SMARCAD1: variants seen among roughly 807,000 people sequenced by gnomAD.
SMARCAD1 encodes the protein SNF2 related chromatin remodeling ATPase with DExD box 1.
In SMARCAD1, 25 loss-of-function variants were observed where a neutral mutation model predicts 127.1. The observed-to-expected ratio is 0.20, with a 90% confidence interval of 0.14 to 0.27. The LOEUF (loss-of-function observed/expected upper bound fraction) is 0.27. SMARCAD1 is among the 10% of genes least tolerant of loss of function. The pLI is 1.00. For synonymous variants in SMARCAD1, 400 were observed against 396.9 expected, an observed-to-expected ratio of 1.01 and a Z score of -0.09; for missense variants, 807 against 1,206.0, an observed-to-expected ratio of 0.67 and a Z score of 4.90.
rs115701817 is a variant in SMARCAD1, at chr4:94,243,622, C to T, written c.705+2616C>T. Among the ~76,000 whole-genome samples, 447 of 152,208 alleles carry T rather than the reference C, an allele frequency of 2.9e-3. 2 individuals carry two copies. The highest frequency in any genetic ancestry group is 0.01 in the African/African-American group (421 of 41,548). On this transcript the variant is annotated intron_variant, in intron 6 of 23. Transcript: ENST00000354268. The stretch of plus-strand genomic sequence containing the variant: ...ATTCCAGTGTTAATACATTAGAGAA[C>T]GATTTGAGCATAATCCAAAATTTGC...
rs1333964770 is a variant in SMARCAD1, at chr4:94,290,102, T to C, written c.*568T>C. The C allele has an allele frequency of 1.3e-5, 6 of 454,508 alleles. No individual in the cohort carries two copies. The Admixed American group carries it at 1.4e-4, about 11-fold the overall frequency. 28.2% of individuals were successfully genotyped at this position (454,508 alleles called of 1,614,324 possible). ...AATTTAAAGGTGGCATTCCATATACTAACATCCCCCAGGTCCTCTCAAGTA... is the reference window on the plus strand; with the variant it reads ...AATTTAAAGGTGGCATTCCATATACCAACATCCCCCAGGTCCTCTCAAGTA... On this transcript the variant is annotated 3_prime_UTR_variant, in exon 24 of 24. Transcript: ENST00000354268.
Position 94,290,666 on chromosome 4 carries a change from A to G in SMARCAD1, c.*1132A>G, listed in dbSNP as rs188829387. ...TTAGAAGTGAAGTTGTCTATTTGAT[A>G]TTTAACTCTTTATTAAATCTTTCTT... On this transcript the variant is annotated 3_prime_UTR_variant, in exon 24 of 24. Transcript: ENST00000354268. 1.3e-3 allele frequency: 568 copies of G among 451,000 alleles called. 1 individual carries two copies. Among genetic ancestry groups the G allele is most frequent in the Middle Eastern group, 4.9e-3 (7 of 1,424 alleles). The allele number at this position is 451,000 out of a possible 1,614,324, so 27.9% of individuals were successfully genotyped here.
In SMARCAD1 at chr4:94,278,490, A is replaced by G; in HGVS notation, c.2151A>G (p.Pro717=). 6.2e-7 allele frequency: 1 copy of G among 1,613,712 alleles called. No individual in the cohort carries two copies. Among genetic ancestry groups the G allele is most frequent in the Non-Finnish European group, 8.5e-7 (1 of 1,179,710 alleles). ...CACATGCAAAACAAATTATAAAGCC[A>G]TTTATTCTCAGAAGAGTAAAAGAAG... ...RIAHAKQIIK[P]FILRRVKEEV... The change falls in exon 17 of 24, where the codon CCA becomes CCG. Residue 717 remains proline (P), a synonymous_variant. Coordinates refer to ENST00000354268, the MANE Select transcript of SMARCAD1 (RefSeq NM_020159.5).
chr4:94,237,830 T>A (rs1465379249), intron 5 of SMARCAD1, among the ~76,000 whole-genome samples: 2 of 152,150 alleles, frequency 1.3e-5, no homozygotes, highest in Non-Finnish European at 2.9e-5. Context: ...AAAGTAAATG[T>A]CCTTATACAT....
chr4:94,208,694 C>T, intron 2 of SMARCAD1, 110 bp downstream of exon 2: 6 of 1,060,040 alleles, frequency 5.7e-6, no homozygotes, highest in South Asian at 2.8e-5. Context: ...GATGCATTGT[C>T]CTGCGGTGTG....
Position 94,208,478 on chromosome 4 carries a change from C to G in SMARCAD1, c.84C>G (p.Ser28=), listed in dbSNP as rs773628840. The change falls in exon 2 of 24, where the codon TCC becomes TCG. Residue 28 remains serine, a synonymous_variant. Coordinates refer to ENST00000354268, the MANE Select transcript of SMARCAD1 (RefSeq NM_020159.5). The part of the protein sequence containing the change: ...EEAPEATPQP[S]QPGPSSPISL... ...CGCCCGAAGCAACCCCTCAACCTTCCCAGCCTGGCCCTTCTTCACCAATTT... is the reference window on the plus strand; with the variant it reads ...CGCCCGAAGCAACCCCTCAACCTTCGCAGCCTGGCCCTTCTTCACCAATTT... The G allele has an allele frequency of 1.9e-6, 3 of 1,614,060 alleles. No individual in the cohort carries two copies. In the East Asian group the frequency reaches 6.7e-5, roughly 36 times the overall value.
At chr4:94,254,361 A>T (rs576801970) in intron 9 of SMARCAD1, among the ~76,000 whole-genome samples, 1 of 152,176 alleles carries the variant, frequency 6.6e-6, no homozygotes, top group African/African-American at 2.4e-5. Flanking sequence ...TGGGTTGCTC[A>T]GGCTTGTTGA....
chr4:94,284,258 CG>C (rs1417504691), intron 22 of SMARCAD1, among the ~76,000 whole-genome samples: 4 of 124,516 alleles, frequency 3.2e-5, no homozygotes, highest in Non-Finnish European at 6.3e-5. Flanking sequence ...AGCCGGGAGG[CG>C]GAGCTTGCAG....
Position 94,278,932 on chromosome 4 carries a change from A to C in SMARCAD1, c.2300A>C (p.Lys767Thr). 1 of 1,613,966 alleles carries C rather than the reference A, an allele frequency of 6.2e-7. No individual in the cohort carries two copies. Among genetic ancestry groups the C allele is most frequent in the Non-Finnish European group, 8.5e-7 (1 of 1,179,908 alleles). The change falls in exon 19 of 24, where the codon AAA becomes ACA. Residue 767 changes from lysine (K) to threonine (T), a missense_variant. By Grantham distance (78) the Lys-to-Thr change is moderately conservative. Around this residue, in one of 8 missense-constraint regions of SMARCAD1, gnomAD observed 99 missense variants for 126.0 expected, o/e 0.79. Coordinates refer to ENST00000354268, the MANE Select transcript of SMARCAD1 (RefSeq NM_020159.5). ...CTGTGTTCTCTTTGAGTCACAGAAA[A>C]AAACACAGAAATGTGCAATGTCATG... ...RLKKSINNLE[K>T]NTEMCNVMMQ...
intron 20 of SMARCAD1, among the ~76,000 whole-genome samples, chr4:94,281,089 G>A (rs1283990962): frequency 6.6e-6 from 1 of 152,130 alleles, no homozygotes; most frequent in Non-Finnish European, 1.5e-5. Context: ...GACACTATTT[G>A]TTAGTTATTT....
chr4:94,245,438 A>G (rs1035012559), intron 6 of SMARCAD1, among the ~76,000 whole-genome samples: 1 of 152,210 alleles, frequency 6.6e-6, no homozygotes, highest in Admixed American at 6.5e-5. Flanking sequence ...CTTGTGTGGC[A>G]TCCGGATGAA....
intron 6 of SMARCAD1, among the ~76,000 whole-genome samples, chr4:94,243,283 GA>G (rs1747883361): frequency 6.6e-6 from 1 of 152,194 alleles, no homozygotes; most frequent in Non-Finnish European, 1.5e-5. Context: ...GGTAATAGTT[GA>G]AGAAGGGGCA....
chr4:94,269,888 G>T (rs1216980769), intron 10 of SMARCAD1, among the ~76,000 whole-genome samples: 4 of 151,836 alleles, frequency 2.6e-5, no homozygotes, highest in Non-Finnish European at 5.9e-5. Flanking sequence ...GCCCAGGCTG[G>T]TCGCGAACTC....
At chr4:94,248,408 A>G (rs894526167) in intron 6 of SMARCAD1, 5 of 453,770 alleles carry the variant, frequency 1.1e-5, no homozygotes, top group African/African-American at 2.0e-5. Flanking sequence ...AGAGTTAGAT[A>G]CTTGGATCTG....
At chr4:94,208,961 C>G (rs540301508) in intron 2 of SMARCAD1, among the ~76,000 whole-genome samples, 1 of 152,242 alleles carries the variant, frequency 6.6e-6, no homozygotes, top group African/African-American at 2.4e-5. Flanking sequence ...AAATATTGAT[C>G]ATCTACTGTG....
chr4:94,274,671 T>C (rs1029188634), intron 12 of SMARCAD1, 67 bp from the exon 13 acceptor site: 1 of 1,399,140 alleles, frequency 7.1e-7, no homozygotes, highest in Non-Finnish European at 1.0e-6. Flanking sequence ...CAAAGTTTAG[T>C]GTTAATTTAA....
chr4:94,265,094 G>T (rs576240786), intron 10 of SMARCAD1, among the ~76,000 whole-genome samples, 188 bp downstream of exon 10: 1 of 151,938 alleles, frequency 6.6e-6, no homozygotes, highest in African/African-American at 2.4e-5. Flanking sequence ...CCCAAGTAGG[G>T]TATTTTATTC....
intron 15 of SMARCAD1, among the ~76,000 whole-genome samples, 160 bp from the exon 16 acceptor site, chr4:94,276,862 G>A (rs1323552101): frequency 6.6e-6 from 1 of 152,120 alleles, no homozygotes; most frequent in African/African-American, 2.4e-5. Context: ...AATAGCGGAC[G>A]TCAATTATTT....
At chr4:94,271,734 T>C (rs1752565497) in intron 11 of SMARCAD1, among the ~76,000 whole-genome samples, 1 of 152,194 alleles carries the variant, frequency 6.6e-6, no homozygotes, top group Non-Finnish European at 1.5e-5. Flanking sequence ...GTGACTGCAC[T>C]TGGAAATCAG....
Sources: gnomAD v4.1 joint callset for allele counts (sites outside exome capture counted in the v4.1 genomes callset) on GRCh38, gnomAD v4.1.1 for gene constraint, gnomAD v4.1.1 regional missense constraint, MANE v1.5 for transcripts, NCBI Gene and HGNC (gene_info 2026-07-23, HGNC 2026-07-21) for gene names.